The following LPIN1 variants were observed in gnomAD, a reference collection of about 807,000 sequenced individuals.
LPIN1 encodes the protein phosphatidate phosphatase LPIN1.
A neutral mutation model predicts 107.5 loss-of-function variants in LPIN1; 71 were observed. That is an observed-to-expected ratio of 0.66 (90% CI 0.55 to 0.80). The LOEUF (loss-of-function observed/expected upper bound fraction) is 0.80. Among genes scored for constraint, LPIN1 ranks in the 30% least tolerant of loss-of-function variants. The pLI is 0.00. For missense variants in LPIN1, 1,043 were observed against 1,160.6 expected, an observed-to-expected ratio of 0.90 and a Z score of 1.47; for synonymous variants, 445 against 452.6, an observed-to-expected ratio of 0.98 and a Z score of 0.21.
At chr2:11,714,573 T>C (rs541709973) in intron 2 of LPIN1, among the ~76,000 whole-genome samples, 23 of 152,316 alleles carry the variant, frequency 1.5e-4, no homozygotes, top group African/African-American at 4.3e-4. Context: ...CCTGGAGCTA[T>C]AGCTGAAGCT....
At chr2:11,810,353 G>C (rs1679437966) in intron 17 of LPIN1, among the ~76,000 whole-genome samples, 2 of 152,160 alleles carry the variant, frequency 1.3e-5, no homozygotes, top group South Asian at 2.1e-4. Flanking sequence ...TTTCAAAGGA[G>C]AGGAAAGCTC....
At chr2:11,766,762 AACAAAC>A (rs58212580) in intron 2 of LPIN1, among the ~76,000 whole-genome samples, 45,372 of 149,652 alleles carry the variant, frequency 0.3, 9,566 homozygotes, top group African/African-American at 0.61. Context: ...TCAGGCAAAA[AACAAAC>A]ACAAACAAAC....
Position 11,795,441 on chromosome 2 carries a change from GCCCAT to G in LPIN1, c.1841_1845del (p.Ala614GlufsTer18). ...GCCAGAGCAGTGCTTGGCTGGCAAG[GCCCAT>G]AGCACCGGAGAGCAACCGCCGCAGC... On this transcript the variant is annotated frameshift_variant, in exon 14 of 21. Coordinates refer to ENST00000674199, the MANE Select transcript of LPIN1 (RefSeq NM_001349206.2). LOFTEE classifies it high-confidence loss of function. The G allele has an allele frequency of 6.2e-7, 1 of 1,614,104 alleles. No homozygotes were observed.
At chr2:11,822,030 C>T (rs1351251729) in intron 20 of LPIN1, among the ~76,000 whole-genome samples, 1 of 152,152 alleles carries the variant, frequency 6.6e-6, no homozygotes, top group Admixed American at 6.5e-5. Context: ...CCCTCTCATT[C>T]CCCAGGCTGG....
intron 1 of LPIN1, among the ~76,000 whole-genome samples, chr2:11,709,706 A>G (rs1023418135): frequency 2.6e-5 from 4 of 152,240 alleles, no homozygotes; most frequent in African/African-American, 7.2e-5. Context: ...AAAATCTACA[A>G]ATGAACGTTG....
intron 2 of LPIN1, among the ~76,000 whole-genome samples, chr2:11,715,712 G>T (rs1180756073): frequency 6.6e-6 from 1 of 152,124 alleles, no homozygotes; most frequent in African/African-American, 2.4e-5. Flanking sequence ...GTTCTGCAGG[G>T]TATTGAAAGA....
At chr2:11,683,670 C>A (rs1226480666) in intron 1 of LPIN1, among the ~76,000 whole-genome samples, 1 of 152,186 alleles carries the variant, frequency 6.6e-6, no homozygotes, top group Non-Finnish European at 1.5e-5. Flanking sequence ...GGCGTGGCTT[C>A]CCCCCAATGC....
intron 3 of LPIN1, among the ~76,000 whole-genome samples, chr2:11,769,277 A>G (rs557886440): frequency 3.9e-5 from 6 of 152,306 alleles, no homozygotes; most frequent in Non-Finnish European, 7.4e-5. Context: ...GTGAAGTGGT[A>G]TCTCTTTATG....
intron 17 of LPIN1, among the ~76,000 whole-genome samples, chr2:11,811,923 A>T (rs1679727113): frequency 6.6e-6 from 1 of 152,238 alleles, no homozygotes; most frequent in South Asian, 2.1e-4. Context: ...AGGCGGAGGT[A>T]GCAGTGAGCT....
chr2:11,704,024 T>A (rs1663010614), intron 1 of LPIN1, among the ~76,000 whole-genome samples: 1 of 152,164 alleles, frequency 6.6e-6, no homozygotes, highest in Non-Finnish European at 1.5e-5. Flanking sequence ...CCTGGGACCA[T>A]TGACAGGATT....
intron 7 of LPIN1, among the ~76,000 whole-genome samples, chr2:11,780,023 G>A (rs1200735720): frequency 6.6e-6 from 1 of 152,084 alleles, no homozygotes; most frequent in East Asian, 1.9e-4. Flanking sequence ...TGGGATTACA[G>A]GCGCATGCCA....
At chr2:11,685,634 CT>C (rs1661964591) in intron 1 of LPIN1, among the ~76,000 whole-genome samples, 1 of 152,182 alleles carries the variant, frequency 6.6e-6, no homozygotes, top group African/African-American at 2.4e-5. Flanking sequence ...CTGGTGCATC[CT>C]TTTGTTTTAG....
Position 11,692,520 on chromosome 2 carries a change from C to T in LPIN1, c.81+14792C>T, listed in dbSNP as rs181987568. On this transcript the variant is annotated intron_variant, in intron 1 of 21. Transcript: ENST00000449576. ...TTGAGTGGGGCCTGGGAATATGTAACGCTAGTGAATTCTTCAGTTGAATCT... is the reference window on the plus strand; with the variant it reads ...TTGAGTGGGGCCTGGGAATATGTAATGCTAGTGAATTCTTCAGTTGAATCT... 5.7e-4 allele frequency among the ~76,000 whole-genome samples: 87 copies of T among 152,338 alleles called. 1 individual carries two copies. The East Asian group carries it at 0.013, about 22-fold the overall frequency.
intron 9 of LPIN1, 200 bp from the exon 10 acceptor site, chr2:11,784,686 G>T (rs902882659): frequency 1.5e-6 from 1 of 651,274 alleles, no homozygotes; most frequent in South Asian, 1.7e-5. Context: ...GCAGCCAGCT[G>T]AGAAGTAATG....
chr2:11,726,136 T>A (rs572117557), intron 1 of LPIN1, among the ~76,000 whole-genome samples: 1 of 152,274 alleles, frequency 6.6e-6, no homozygotes, highest in Non-Finnish European at 1.5e-5. Context: ...ATCTGGACCA[T>A]CATAGAAGCC....
At chr2:11,721,955 G>A (rs1664178693), upstream of LPIN1, 1 of 152,278 alleles carries the variant, frequency 6.6e-6, no homozygotes, top group African/African-American at 2.4e-5. Flanking sequence ...TTCATCTGTG[G>A]TTGCTCAGGG....
intron 18 of LPIN1, chr2:11,818,438 T>G (rs1680959700): frequency 6.6e-6 from 1 of 152,198 alleles, no homozygotes; most frequent in African/African-American, 2.4e-5. Flanking sequence ...AAATTTGATT[T>G]AAAATACCAT....
In LPIN1 at chr2:11,802,919, A is replaced by G. The variant is rs781003029; in HGVS notation, c.1899A>G (p.Glu633=). ...CTGTGTGTTCCAGGGTAAAGCATGA[A>G]TCATCCTCCAGTGATGAGGAGCGCG... ...QLSLATRVKH[E]SSSSDEERAA... Residue 633 remains glutamate, a synonymous_variant, in exon 15 of 21, where the codon GAA becomes GAG. Transcript: ENST00000674199. The G allele has an allele frequency of 4.3e-6, 7 of 1,613,292 alleles. No individual in the cohort carries two copies. In the African/African-American group the frequency reaches 6.7e-5, roughly 15 times the overall value.
intron 2 of LPIN1, among the ~76,000 whole-genome samples, chr2:11,716,456 C>T (rs1663748194): frequency 6.6e-6 from 1 of 151,972 alleles, no homozygotes; most frequent in Non-Finnish European, 1.5e-5. Context: ...TCTCTCTGTC[C>T]CTCTCCCTGA....
Sources: gnomAD v4.1 joint callset for allele counts (sites outside exome capture counted in the v4.1 genomes callset) on GRCh38, gnomAD v4.1.1 for gene constraint, MANE v1.5 for transcripts, NCBI Gene and HGNC (gene_info 2026-07-23, HGNC 2026-07-21) for gene names.